Variants in PLAC1 observed in about 807,000 individuals in gnomAD.
The protein encoded by PLAC1 is placenta associated 1, also known as placenta-specific protein 1.
For synonymous variants in PLAC1, 68 were observed against 62.1 expected, an observed-to-expected ratio of 1.09 and a Z score of -0.44; for missense variants, 136 against 163.2, an observed-to-expected ratio of 0.83 and a Z score of 0.91.
chrX:134,732,451 G>T (rs970178507), intron 2 of PLAC1, among the ~76,000 whole-genome samples: 3 of 111,590 alleles, frequency 2.7e-5, no homozygotes, highest in African/African-American at 9.8e-5. Context: ...TAATGCATTT[G>T]GTCTGTATGT....
intron 1 of PLAC1, among the ~76,000 whole-genome samples, chrX:134,738,559 C>T (rs1445756139): frequency 1.4e-4 from 16 of 112,119 alleles, no homozygotes; most frequent in Admixed American, 1.4e-3. Flanking sequence ...AGAATTGCTT[C>T]TGCTCTCTTC....
intron 2 of PLAC1, among the ~76,000 whole-genome samples, chrX:134,725,013 A>AAG (rs2078669887): frequency 9.0e-6 from 1 of 111,008 alleles, no homozygotes; most frequent in African/African-American, 3.3e-5. Flanking sequence ...AAAAAAAAAA[A>AAG]AAATTCCCAC....
chrX:134,601,251 A>G (rs1055264483), intron 2 of PLAC1, among the ~76,000 whole-genome samples: 1 of 112,362 alleles, frequency 8.9e-6, no homozygotes, highest in Non-Finnish European at 1.9e-5. Flanking sequence ...AGGATTTCAT[A>G]GTATGGACAA....
rs1025080076 is a variant in PLAC1 at position 134,678,343 on chromosome X, C to T, written n.174+55092G>A. 2.7e-5 allele frequency among the ~76,000 whole-genome samples: 3 copies of T among 111,536 alleles called. No individual in the cohort carries two copies. The Admixed American group carries it at 2.9e-4, about 11-fold the overall frequency. On this transcript the variant is annotated intron_variant and non_coding_transcript_variant, in intron 2 of 2. Transcript: ENST00000466797. Reference sequence around the variant, plus strand: ...ACCCACTCTGGCCTCCTTGCTTTTTCTCAAACATGTCAAGAATAATCCTTT... The same window carrying T: ...ACCCACTCTGGCCTCCTTGCTTTTTTTCAAACATGTCAAGAATAATCCTTT...
chrX:134,583,414 G>T (rs1269132104), intron 2 of PLAC1, among the ~76,000 whole-genome samples: 2 of 75,655 alleles, frequency 2.6e-5, no homozygotes, highest in Admixed American at 1.8e-4. Flanking sequence ...TTTGGCTTAC[G>T]TCTAAACCAC....
intron 2 of PLAC1, among the ~76,000 whole-genome samples, chrX:134,684,416 A>C (rs2078508907): frequency 1.3e-4 from 2 of 15,944 alleles, no homozygotes; most frequent in African/African-American, 5.4e-4. Flanking sequence ...GCCACTAAAA[A>C]AAAAAAAAAA....
chrX:134,757,119 G>A (rs1335322395), intron 1 of PLAC1, among the ~76,000 whole-genome samples: 4 of 112,552 alleles, frequency 3.6e-5, no homozygotes, highest in Non-Finnish European at 7.5e-5. Context: ...TTCAGATAGG[G>A]ATTATAATGA....
chrX:134,755,288 G>T (rs1221976165), intron 1 of PLAC1, among the ~76,000 whole-genome samples: 8 of 112,352 alleles, frequency 7.1e-5, no homozygotes, highest in African/African-American at 2.6e-4. Flanking sequence ...CAACTATTAA[G>T]TGGTAGCTCT....
At chrX:134,583,441 T>C (rs1303969672) in intron 2 of PLAC1, among the ~76,000 whole-genome samples, 1 of 107,040 alleles carries the variant, frequency 9.3e-6, no homozygotes, top group Admixed American at 1.0e-4. Context: ...GTTGTTTTTT[T>C]TTTTTTTAAA....
At chrX:134,731,985 A>T (rs2078690067) in intron 2 of PLAC1, among the ~76,000 whole-genome samples, 1 of 111,843 alleles carries the variant, frequency 8.9e-6, no homozygotes, top group African/African-American at 3.3e-5. Flanking sequence ...TGCACCTGCA[A>T]GTCATGCCCC....
chrX:134,653,296 C>T (rs1347162264), intron 1 of PLAC1, among the ~76,000 whole-genome samples: 1 of 112,279 alleles, frequency 8.9e-6, no homozygotes, highest in Non-Finnish European at 1.9e-5. Context: ...CCTGCTCACC[C>T]TCCAGGCTTA....
At chrX:134,592,540 C>T (rs888695513) in intron 2 of PLAC1, among the ~76,000 whole-genome samples, 1 of 110,680 alleles carries the variant, frequency 9.0e-6, no homozygotes, top group African/African-American at 3.3e-5. Flanking sequence ...ACTGACCTCC[C>T]CTGAGGAAGA....
chrX:134,749,372 G>A (rs1292008502), intron 1 of PLAC1, among the ~76,000 whole-genome samples: 1 of 111,877 alleles, frequency 8.9e-6, no homozygotes, highest in African/African-American at 3.3e-5. Flanking sequence ...ACGTTTGCCT[G>A]TAGTCCCAGC....
chrX:134,666,259 T>C (rs1046921491), intron 2 of PLAC1, among the ~76,000 whole-genome samples: 2 of 111,125 alleles, frequency 1.8e-5, no homozygotes, highest in Admixed American at 9.6e-5. Flanking sequence ...TGGGAGGTCA[T>C]GTTCCCTTTC....
Position 134,590,855 on chromosome X carries a change from C to T in PLAC1, c.-59+11196G>A, listed in dbSNP as rs184724584. ...CTCCTGACCTCAAGTGATCCACCCT[C>T]CCCCCCCACCCCACCCCTTAGCTTT... On this transcript the variant is annotated intron_variant, in intron 2 of 2. Coordinates refer to ENST00000359237, the MANE Select transcript of PLAC1 (RefSeq NM_021796.4). 9.1e-4 allele frequency among the ~76,000 whole-genome samples: 84 copies of T among 92,042 alleles called. 2 individuals carry two copies. The East Asian group carries it at 0.028, about 31-fold the overall frequency. The allele number at this position is 92,042 out of a possible 115,157, so 79.9% of individuals were successfully genotyped here.
intron 2 of PLAC1, among the ~76,000 whole-genome samples, chrX:134,696,172 C>A (rs1296312952): frequency 1.8e-5 from 2 of 111,723 alleles, no homozygotes; most frequent in African/African-American, 3.3e-5. Flanking sequence ...TTTCCTGGAG[C>A]CTGCACTTTC....
chrX:134,596,698 G>C (rs143681942), intron 2 of PLAC1, among the ~76,000 whole-genome samples: 1 of 111,094 alleles, frequency 9.0e-6, no homozygotes, highest in East Asian at 2.8e-4. Flanking sequence ...CCTGGGCTCA[G>C]TGATCCTCCT....
chrX:134,573,903 C>G (rs2077922958), intron 2 of PLAC1, among the ~76,000 whole-genome samples: 1 of 111,337 alleles, frequency 9.0e-6, no homozygotes, highest in Non-Finnish European at 1.9e-5. Flanking sequence ...TCATTTGGCT[C>G]CTGAGACGTA....
At chrX:134,611,538 T>C (rs2078153190) in intron 1 of PLAC1, among the ~76,000 whole-genome samples, 1 of 107,509 alleles carries the variant, frequency 9.3e-6, no homozygotes, top group Non-Finnish European at 1.9e-5. Context: ...CATATGTATA[T>C]ATGCATATAC....
Sources: gnomAD v4.1 joint callset for allele counts (sites outside exome capture counted in the v4.1 genomes callset) on GRCh38, gnomAD v4.1.1 for gene constraint, MANE v1.5 for transcripts, NCBI Gene and HGNC (gene_info 2026-07-23, HGNC 2026-07-21) for gene names.